The following THRB variants were observed in gnomAD, a reference collection of about 807,000 sequenced individuals.
The protein encoded by THRB is thyroid hormone receptor beta, also known as nuclear receptor subfamily 1 group A member 2.
A neutral mutation model predicts 47.8 loss-of-function variants in THRB; 12 were observed. The ratio of observed to expected loss-of-function variants is 0.25; its 90% CI spans 0.16 to 0.41. The LOEUF is 0.41. THRB is among the 10% of genes least tolerant of loss of function. The pLI is 1.00. For missense variants in THRB, 348 were observed against 589.2 expected (o/e 0.59, Z 4.24); for synonymous variants, 218 against 212.2 (o/e 1.03, Z -0.24).
Position 24,150,281 on chromosome 3 carries a change from A to G in THRB, c.384+2109T>C, listed in dbSNP as rs544764752. Reference sequence around the variant, plus strand: ...TAAATTACAGGTTTGAATAAACGATATAGGAAACAATTAACCCTTTCATCT... The same window carrying G: ...TAAATTACAGGTTTGAATAAACGATGTAGGAAACAATTAACCCTTTCATCT... On this transcript the variant is annotated intron_variant, in intron 6 of 10. Transcript: ENST00000646209. 2.2e-4 allele frequency among the ~76,000 whole-genome samples: 34 copies of G among 152,290 alleles called. 1 individual carries two copies. In the South Asian group the frequency reaches 3.1e-3, roughly 14 times the overall value.
In THRB at chr3:24,186,965, A is replaced by G. The variant is rs2042668275; in HGVS notation, c.283+3109T>C. Among the ~76,000 whole-genome samples the G allele has an allele frequency of 2.7e-5, 4 of 149,296 alleles. No homozygotes were observed. In the South Asian group the frequency reaches 6.3e-4, roughly 24 times the overall value. On this transcript the variant is annotated intron_variant, in intron 5 of 10. Coordinates refer to ENST00000646209, the MANE Select transcript of THRB (RefSeq NM_001354712.2). ...ATTTCAAAAAAAAAAAAAAAAAAAAAAAGCAGTATTCAGAACAAAATGAAA... is the reference window on the plus strand; with the variant it reads ...ATTTCAAAAAAAAAAAAAAAAAAAAGAAGCAGTATTCAGAACAAAATGAAA...
intron 4 of THRB, among the ~76,000 whole-genome samples, chr3:24,210,647 A>G (rs1054545294): frequency 6.6e-6 from 1 of 152,162 alleles, no homozygotes. Flanking sequence ...TCTGATTCAA[A>G]GCGTTCATCC....
At chr3:24,206,532 G>A (rs2149793776) in intron 4 of THRB, among the ~76,000 whole-genome samples, 1 of 152,154 alleles carries the variant, frequency 6.6e-6, no homozygotes, top group Admixed American at 6.5e-5. Flanking sequence ...AGCACTAAAT[G>A]CCCACAAGAG....
chr3:24,247,161 T>C (rs576621336), intron 3 of THRB, among the ~76,000 whole-genome samples: 301 of 152,268 alleles, frequency 2.0e-3, no homozygotes, highest in African/African-American at 6.5e-3. Flanking sequence ...TTCAATGAAA[T>C]TGAGTACAGA....
intron 1 of THRB, among the ~76,000 whole-genome samples, chr3:24,400,745 G>A (rs11918018): frequency 0.47 from 71,749 of 151,638 alleles, 17,188 homozygotes; most frequent in Admixed American, 0.51. Flanking sequence ...AAGCTAAATG[G>A]CTAGATCAGA....
At chr3:24,160,676 A>T (rs2038675989) in intron 5 of THRB, among the ~76,000 whole-genome samples, 1 of 152,142 alleles carries the variant, frequency 6.6e-6, no homozygotes, top group Non-Finnish European at 1.5e-5. Context: ...GAAGCCAAGG[A>T]CCCATAAGAT....
At chr3:24,416,686 G>T (rs1404822524) in intron 1 of THRB, among the ~76,000 whole-genome samples, 1 of 151,774 alleles carries the variant, frequency 6.6e-6, no homozygotes, top group African/African-American at 2.4e-5. Context: ...AACCTTTCAG[G>T]CTAGAAGGGA....
chr3:24,253,491 A>T (rs910834378), intron 3 of THRB, among the ~76,000 whole-genome samples: 26 of 152,348 alleles, frequency 1.7e-4, no homozygotes, highest in African/African-American at 6.0e-4. Context: ...AATAAGCAGC[A>T]GCAAAGTGCA....
intron 9 of THRB, among the ~76,000 whole-genome samples, chr3:24,130,052 T>G (rs2033589526): frequency 1.3e-5 from 2 of 152,184 alleles, no homozygotes; most frequent in South Asian, 4.1e-4. Flanking sequence ...TACAGTTAAT[T>G]CACCTCTTTT....
In THRB at chr3:24,299,271, A is replaced by T. The variant is rs543596252; in HGVS notation, c.-188-1900T>A. 7.7e-4 allele frequency among the ~76,000 whole-genome samples: 110 copies of T among 143,784 alleles called. No individual in the cohort carries two copies. In the East Asian group the frequency reaches 0.011, roughly 14 times the overall value. 94.3% of individuals were successfully genotyped at this position (143,784 alleles called of 152,430 possible). A position where few individuals can be genotyped will look rare whatever the true frequency, so the allele number is the denominator to read the frequency against. On this transcript the variant is annotated intron_variant, in intron 2 of 10. Coordinates refer to ENST00000646209, the MANE Select transcript of THRB (RefSeq NM_001354712.2). ...TCATAAAAAAAAAAAAAAAAAAAAA[A>T]AAGAAAAGTAATTCAGGTTCACTGT...
intron 3 of THRB, among the ~76,000 whole-genome samples, chr3:24,263,178 C>CTGCTGG (rs2052262025): frequency 6.6e-6 from 1 of 152,138 alleles, no homozygotes; most frequent in Non-Finnish European, 1.5e-5. Flanking sequence ...GGCATTCTTC[C>CTGCTGG]AATCCCACCT....
chr3:24,124,152 G>A (rs147499078), intron 10 of THRB, among the ~76,000 whole-genome samples: 4 of 152,246 alleles, frequency 2.6e-5, no homozygotes, highest in East Asian at 3.9e-4. Context: ...AATAGGAATC[G>A]AAACAGGGTT....
chr3:24,299,249 TAAAA>T (rs36061929), intron 2 of THRB, among the ~76,000 whole-genome samples: 43 of 70,188 alleles, frequency 6.1e-4, no homozygotes, highest in East Asian at 3.2e-3. Flanking sequence ...CTCAGTCTCA[TAAAA>T]AAAAAAAAAA....
intron 5 of THRB, among the ~76,000 whole-genome samples, chr3:24,157,911 C>T (rs193051316): frequency 5.9e-5 from 9 of 152,230 alleles, no homozygotes; most frequent in East Asian, 5.8e-4. Context: ...TTCCTTTTGC[C>T]GTCCCTGTAC....
At chr3:24,384,866 G>A (rs2065972068) in intron 1 of THRB, among the ~76,000 whole-genome samples, 1 of 152,142 alleles carries the variant, frequency 6.6e-6, no homozygotes, top group Non-Finnish European at 1.5e-5. Flanking sequence ...AGGCATAAAG[G>A]AGGTAGCCTC....
At chr3:24,237,917 C>T (rs1423999663) in intron 3 of THRB, 1 of 152,082 alleles carries the variant, frequency 6.6e-6, no homozygotes, top group East Asian at 1.9e-4. Context: ...AAACATGGAG[C>T]ACTTTTAAGC....
intron 1 of THRB, chr3:24,348,948 T>C (rs1326192941): frequency 2.0e-5 from 3 of 152,148 alleles, no homozygotes; most frequent in Non-Finnish European, 4.4e-5. Flanking sequence ...GAAATCATAA[T>C]GGTGTATGAG....
chr3:24,230,352 A>G (rs769321528), intron 3 of THRB, among the ~76,000 whole-genome samples: 2 of 152,324 alleles, frequency 1.3e-5, no homozygotes, highest in East Asian at 3.9e-4. Context: ...TGTCAGATAC[A>G]TAACAGGTAC....
At chr3:24,434,575 A>T (rs192607118) in intron 1 of THRB, among the ~76,000 whole-genome samples, 63 of 152,328 alleles carry the variant, frequency 4.1e-4, no homozygotes, top group African/African-American at 1.5e-3. Context: ...AAATGCAAAC[A>T]TTCCTACTGA....
Sources: gnomAD v4.1 joint callset for allele counts (sites outside exome capture counted in the v4.1 genomes callset) on GRCh38, gnomAD v4.1.1 for gene constraint, MANE v1.5 for transcripts, NCBI Gene and HGNC (gene_info 2026-07-23, HGNC 2026-07-21) for gene names.